KCNA3: variants seen among roughly 807,000 people sequenced by gnomAD.
KCNA3 encodes the protein potassium voltage-gated channel subfamily A member 3, also known as RP11-284N8.3.
In KCNA3, 18 loss-of-function variants were observed where a neutral mutation model predicts 34.3. That is an observed-to-expected ratio of 0.52 (90% CI 0.36 to 0.78). The LOEUF is 0.78. Among genes scored for constraint, KCNA3 ranks in the 30% least tolerant of loss-of-function variants. The pLI is 0.00. For missense variants in KCNA3, 587 were observed against 802.5 expected (o/e 0.73, Z 3.24); for synonymous variants, 324 against 351.7 (o/e 0.92, Z 0.88).
chr1:110,655,560 C>T, the KCNA3 span: 1 of 152,004 alleles, frequency 6.6e-6, no homozygotes, highest in Non-Finnish European at 1.5e-5. Context: ...CACAGTAATA[C>T]ATAAGCGACT....
chr1:110,665,431 G>C, the KCNA3 span, among the ~76,000 whole-genome samples: 7 of 152,176 alleles, frequency 4.6e-5, no homozygotes, highest in African/African-American at 2.4e-5. Context: ...ATTTTACTTT[G>C]AGCAACTGGA....
Position 110,673,501 on chromosome 1 carries a change from A to C in KCNA3, c.1309T>G (p.Trp437Gly). The part of the protein sequence containing the change: ...GFSSIPDAFW[W>G]AVVTMTTVGY... ...ACTGTTGTCATGGTTACCACTGCCC[A>C]CCAGAAGGCATCCGGGATGCTGCTG... The change falls in exon 1 of 1, where the codon TGG (tryptophan) becomes GGG (glycine). Residue 437 changes from tryptophan (W) to glycine (G), a missense_variant. By Grantham distance (184) the Trp-to-Gly change is radical. Transcript: ENST00000369769. The surrounding 1 kb of genome is among the most constrained non-coding windows in gnomAD (Gnocchi z 8.8). 6.2e-7 allele frequency: 1 copy of C among 1,614,080 alleles called. No homozygotes were observed. Among genetic ancestry groups the C allele is most frequent in the Non-Finnish European group, 8.5e-7 (1 of 1,179,998 alleles).
the KCNA3 span, chr1:110,656,046 T>C: frequency 4.0e-4 from 61 of 152,152 alleles, 1 homozygote; most frequent in African/African-American, 1.3e-3. Flanking sequence ...CAAAATTTTG[T>C]GAATATTATT....
At position 110,673,133 on chromosome 1, in the gene KCNA3, G is replaced by A; in HGVS notation, c.1677C>T (p.Asn559=). The part of the protein sequence containing the change: ...TGNSTATCTT[N]NNPNSCVNIK... ...TGTTGACACAAGAGTTGGGATTATT[G>A]TTCGTGGTGCAGGTGGCAGTGGAAT... is the stretch of plus-strand genomic sequence containing the variant. Residue 559 remains asparagine, a synonymous_variant, in exon 1 of 1, where the codon AAC becomes AAT. Coordinates refer to ENST00000369769, the MANE Select transcript of KCNA3 (RefSeq NM_002232.5). The surrounding 1 kb of genome is among the most constrained non-coding windows in gnomAD (Gnocchi z 8.8). 1 of 1,614,002 alleles carries A rather than the reference G, an allele frequency of 6.2e-7. No individual in the cohort carries two copies. The highest frequency in any genetic ancestry group is 8.5e-7 in the Non-Finnish European group (1 of 1,179,948).
the KCNA3 span, among the ~76,000 whole-genome samples, chr1:110,667,142 T>C: frequency 1.3e-5 from 2 of 152,136 alleles, no homozygotes; most frequent in Non-Finnish European, 2.9e-5. Flanking sequence ...GTAAAGAACA[T>C]GTTTAAATGT....
At position 110,674,844 on chromosome 1, in the gene KCNA3, TCGCTCCTCCTCG is replaced by T. The variant is rs1346816954; in HGVS notation, c.-47_-36del. 7.0e-6 allele frequency: 9 copies of T among 1,286,960 alleles called. No individual in the cohort carries two copies. The highest frequency in any genetic ancestry group is 2.9e-4 in the Middle Eastern group (1 of 3,416). The allele number at this position is 1,286,960 out of a possible 1,614,324, so 79.7% of individuals were successfully genotyped here. A position where few individuals can be genotyped will look rare whatever the true frequency, so the allele number is the denominator to read the frequency against. ...AAGAGGCGGCAGCGGTGAGGCCAGGTCGCTCCTCCTCGCGCTCCCCGCCCTTTCGCCGCCTCC... is the reference window on the plus strand; with the variant it reads ...AAGAGGCGGCAGCGGTGAGGCCAGGTCGCTCCCCGCCCTTTCGCCGCCTCC... On this transcript the variant is annotated 5_prime_UTR_variant, in exon 1 of 1. Coordinates refer to ENST00000369769, the MANE Select transcript of KCNA3 (RefSeq NM_002232.5). The surrounding 1 kb of genome is among the most constrained non-coding windows in gnomAD (Gnocchi z 6.4).
downstream of KCNA3, among the ~76,000 whole-genome samples, chr1:110,667,917 T>G (rs574020851): frequency 2.0e-5 from 3 of 152,304 alleles, no homozygotes; most frequent in African/African-American, 7.2e-5. Context: ...ATGGCCATTT[T>G]CTGGCAGAAA....
downstream of KCNA3, among the ~76,000 whole-genome samples, chr1:110,671,561 C>G (rs1025082308): frequency 1.5e-4 from 23 of 152,302 alleles, no homozygotes; most frequent in Admixed American, 1.3e-3. Context: ...TCCTGTCCCT[C>G]CTTTTAATTG....
rs1420565188 is a variant in KCNA3, at chr1:110,674,152, C to A, written c.658G>T (p.Val220Leu). Reference sequence around the variant, plus strand: ...TCGGGGTACTCGAAGAGCAGCCACACCTGGCGCTGGAAGTCGCGGCGGGGC... The same window carrying A: ...TCGGGGTACTCGAAGAGCAGCCACAACTGGCGCTGGAAGTCGCGGCGGGGC... The part of the protein sequence containing the change: ...PLPRRDFQRQ[V>L]WLLFEYPESS... The change falls in exon 1 of 1, where the codon GTG (valine) becomes TTG (leucine). Residue 220 changes from valine to leucine, a missense_variant. Physicochemically the swap from Val to Leu is conservative, Grantham distance 32. Coordinates refer to ENST00000369769, the MANE Select transcript of KCNA3 (RefSeq NM_002232.5). This position sits in a 1 kb window ranked among gnomAD's most constrained non-coding sequence, Gnocchi z 6.4. 2 of 1,613,220 alleles carry A rather than the reference C, an allele frequency of 1.2e-6. No individual in the cohort carries two copies. The highest frequency in any genetic ancestry group is 1.7e-6 in the Non-Finnish European group (2 of 1,179,650).
At chr1:110,672,084 C>A (rs564996398), downstream of KCNA3, among the ~76,000 whole-genome samples, 2 of 152,228 alleles carry the variant, frequency 1.3e-5, no homozygotes, top group African/African-American at 4.8e-5. Context: ...TAAGTAGGAA[C>A]CATCTGGAAA....
At chr1:110,667,225 A>G in the KCNA3 span, among the ~76,000 whole-genome samples, 5 of 152,342 alleles carry the variant, frequency 3.3e-5, no homozygotes, top group African/African-American at 9.6e-5. Context: ...GTAATGGAAG[A>G]CAAATGAAAT....
At chr1:110,670,982 T>C (rs1238769925), downstream of KCNA3, among the ~76,000 whole-genome samples, 1 of 152,218 alleles carries the variant, frequency 6.6e-6, no homozygotes, top group Non-Finnish European at 1.5e-5. Context: ...CTGTAGATAA[T>C]GTATAATTTA....
Position 110,674,683 on chromosome 1 carries a change from G to C in KCNA3, c.127C>G (p.Pro43Ala). 6.6e-7 allele frequency: 1 copy of C among 1,503,854 alleles called. No homozygotes were observed. Among genetic ancestry groups the C allele is most frequent in the Non-Finnish European group, 8.8e-7 (1 of 1,137,532 alleles). 93.2% of individuals were successfully genotyped at this position (1,503,854 alleles called of 1,614,324 possible). A position where few individuals can be genotyped will look rare whatever the true frequency, so the allele number is the denominator to read the frequency against. Residue 43 changes from proline to alanine, a missense_variant, in exon 1 of 1, where the codon CCC becomes GCC. By Grantham distance (27) the Pro-to-Ala change is conservative (BLOSUM62 -1). Coordinates refer to ENST00000369769, the MANE Select transcript of KCNA3 (RefSeq NM_002232.5). This position sits in a 1 kb window ranked among gnomAD's most constrained non-coding sequence, Gnocchi z 6.4. Reference protein sequence around the residue: ...HTLVNHGYAEPAAGRELPPDM... With the variant: ...HTLVNHGYAEAAAGRELPPDM... ...GGCGGCAGCTCGCGGCCTGCGGCGG[G>C]CTCCGCGTAGCCGTGGTTCACCAGC...
At chr1:110,657,911 A>C in the KCNA3 span, among the ~76,000 whole-genome samples, 1 of 152,224 alleles carries the variant, frequency 6.6e-6, no homozygotes, top group Non-Finnish European at 1.5e-5. Flanking sequence ...CAATGGACTG[A>C]CTATTCTCCA....
chr1:110,664,737 CATACA>C, the KCNA3 span, among the ~76,000 whole-genome samples: 1 of 151,990 alleles, frequency 6.6e-6, no homozygotes, highest in Non-Finnish European at 1.5e-5. Flanking sequence ...GAATGGAAAA[CATACA>C]ATAAACAAAA....
In KCNA3 at chr1:110,672,987, T is replaced by A; in HGVS notation, c.*95A>T. On this transcript the variant is annotated 3_prime_UTR_variant, in exon 1 of 1. Transcript: ENST00000369769. ...CCACTTCTTCAGGTCCTTTCCTTGA[T>A]GAATGGTCTGGAAATGTATAAAACA... 8.2e-7 allele frequency: 1 copy of A among 1,218,784 alleles called. No homozygotes were observed. Among genetic ancestry groups the A allele is most frequent in the Non-Finnish European group, 1.2e-6 (1 of 865,922 alleles). The allele number at this position is 1,218,784 out of a possible 1,614,324, so 75.5% of individuals were successfully genotyped here.
At chr1:110,665,870 C>T in the KCNA3 span, among the ~76,000 whole-genome samples, 1 of 151,962 alleles carries the variant, frequency 6.6e-6, no homozygotes, top group South Asian at 2.1e-4. Context: ...GAGAAATGAC[C>T]ACTGGGTATC....
At chr1:110,666,884 A>T in the KCNA3 span, among the ~76,000 whole-genome samples, 1 of 152,182 alleles carries the variant, frequency 6.6e-6, no homozygotes, top group Non-Finnish European at 1.5e-5. Flanking sequence ...TAGGCAATAA[A>T]CCTGCATTTT....
In KCNA3 at chr1:110,673,845, G is replaced by A; in HGVS notation, c.965C>T (p.Thr322Ile). The change falls in exon 1 of 1, where the codon ACC (threonine) becomes ATC (isoleucine). Residue 322 changes from threonine (T) to isoleucine (I), a missense_variant. By Grantham distance (89) the Thr-to-Ile change is moderately conservative. Coordinates refer to ENST00000369769, the MANE Select transcript of KCNA3 (RefSeq NM_002232.5). The surrounding 1 kb of genome is among the most constrained non-coding windows in gnomAD (Gnocchi z 8.8). ...VRFFACPSKA[T>I]FSRNIMNLID... ...CAGGTTCATGATGTTTCGCGAGAAG[G>A]TGGCTTTGCTAGGACAAGCGAAGAA... 6.2e-7 allele frequency: 1 copy of A among 1,614,170 alleles called. No individual in the cohort carries two copies. The highest frequency in any genetic ancestry group is 8.5e-7 in the Non-Finnish European group (1 of 1,180,034).
Sources: gnomAD v4.1 joint callset for allele counts (sites outside exome capture counted in the v4.1 genomes callset) on GRCh38, gnomAD v4.1.1 for gene constraint, Gnocchi (gnomAD v3.1) non-coding constraint, MANE v1.5 for transcripts, NCBI Gene and HGNC (gene_info 2026-07-23, HGNC 2026-07-21) for gene names.